Variants in ZNF600 observed in about 807,000 individuals in gnomAD.
ZNF600 encodes zinc finger protein KR-ZNF1.
ZNF600 carries 4 observed loss-of-function variants against 7.3 expected under a neutral mutation model. That is an observed-to-expected ratio of 0.55 (90% CI 0.27 to 1.25). ZNF600 has a LOEUF of 1.25. Among genes scored for constraint, ZNF600 ranks in the 50% most tolerant of loss-of-function variants. ZNF600 has a pLI of 0.12. For missense variants in ZNF600, 911 were observed against 922.1 expected (o/e 0.99, Z 0.16); for synonymous variants, 290 against 308.9 (o/e 0.94, Z 0.64).
intron 1 of ZNF600, among the ~76,000 whole-genome samples, chr19:52,781,765 A>C (rs1287131351): frequency 8.5e-5 from 12 of 140,736 alleles, no homozygotes; most frequent in African/African-American, 3.2e-4. Flanking sequence ...TCTATCTTAA[A>C]AAAAAAAAAA....
upstream of ZNF600, among the ~76,000 whole-genome samples, chr19:52,789,940 A>G (rs1386090656): frequency 2.0e-5 from 3 of 151,762 alleles, no homozygotes; most frequent in African/African-American, 7.3e-5. Flanking sequence ...CTACAGTCAA[A>G]GGGGGTTTGT....
intron 2 of ZNF600, among the ~76,000 whole-genome samples, chr19:52,775,616 ATACCAGGTGATATTAAGTC>A (rs1243993151): frequency 1.3e-5 from 2 of 149,408 alleles, no homozygotes; most frequent in Non-Finnish European, 2.9e-5. Context: ...TATGTTCAAC[ATACCAGGTGATATTAAGTC>A]TCTAGATGAG....
chr19:52,817,380 A>G, the ZNF600 span, among the ~76,000 whole-genome samples: 1 of 152,208 alleles, frequency 6.6e-6, no homozygotes. Flanking sequence ...TTCAAAAAAA[A>G]TAATAATAAT....
chr19:52,765,355 T>C (rs1568622047), exon 4 of ZNF600: 3 of 762,848 alleles, frequency 3.9e-6, no homozygotes, highest in East Asian at 2.6e-5. Context: ...TTCTCTCCTG[T>C]ATGAATTCTC....
exon 4 of ZNF600, chr19:52,767,745 T>C (rs746537572): frequency 3.8e-6 from 6 of 1,582,174 alleles, no homozygotes; most frequent in Non-Finnish European, 5.1e-6. Flanking sequence ...TGACAAGACC[T>C]CCTTCATCAT....
the ZNF600 span, among the ~76,000 whole-genome samples, chr19:52,794,371 C>T: frequency 6.6e-6 from 1 of 152,206 alleles, no homozygotes; most frequent in Non-Finnish European, 1.5e-5. Context: ...GGGTCAGCGT[C>T]ACTCTGACTG....
At chr19:52,800,325 T>C in the ZNF600 span, 3 of 1,613,936 alleles carry the variant, frequency 1.9e-6, no homozygotes, top group Non-Finnish European at 2.5e-6. Flanking sequence ...AAGGCATGAA[T>C]CACTCCGGAA....
At chr19:52,775,269 C>T (rs908984170) in intron 2 of ZNF600, among the ~76,000 whole-genome samples, 12 of 151,618 alleles carry the variant, frequency 7.9e-5, no homozygotes, top group African/African-American at 2.9e-4. Flanking sequence ...AACAAAAAAA[C>T]AATGCCGGGC....
At chr19:52,810,822 A>G in the ZNF600 span, 5 of 294,118 alleles carry the variant, frequency 1.7e-5, no homozygotes, top group Non-Finnish European at 3.2e-5. Flanking sequence ...AAATATATAT[A>G]TATTTTTAAA....
chr19:52,832,179 C>G, the ZNF600 span, among the ~76,000 whole-genome samples: 2 of 152,026 alleles, frequency 1.3e-5, no homozygotes, highest in African/African-American at 4.8e-5. Context: ...CACTACTGCA[C>G]TCCAGCCTGA....
At chr19:52,833,512 A>G in the ZNF600 span, among the ~76,000 whole-genome samples, 2 of 152,318 alleles carry the variant, frequency 1.3e-5, no homozygotes, top group African/African-American at 4.8e-5. Context: ...GAAAGGAAAG[A>G]GACAGATTAA....
At chr19:52,818,877 C>T in the ZNF600 span, among the ~76,000 whole-genome samples, 1 of 92,172 alleles carries the variant, frequency 1.1e-5, no homozygotes, top group African/African-American at 4.7e-5. Context: ...GAATGAGAGT[C>T]TGTTTGGGAA....
At chr19:52,767,795 G>C (rs750210593) in intron 3 of ZNF600, 23 bp from the exon 6 acceptor site, 17 of 1,531,774 alleles carry the variant, frequency 1.1e-5, no homozygotes, top group South Asian at 4.0e-5. Flanking sequence ...AACAACAATA[G>C]GTTTCCAATT....
chr19:52,765,467 T>A, exon 4 of ZNF600: 3 of 1,434,680 alleles, frequency 2.1e-6, no homozygotes, highest in Middle Eastern at 1.8e-4. Context: ...CTGCAATGTA[T>A]GAATGATGTC....
At chr19:52,785,929 T>C (rs1018230850) in intron 1 of ZNF600, among the ~76,000 whole-genome samples, 1 of 152,208 alleles carries the variant, frequency 6.6e-6, no homozygotes, top group African/African-American at 2.4e-5. Flanking sequence ...TCTTAGTTTT[T>C]TTTCTTTCAC....
chr19:52,816,924 T>C, the ZNF600 span, among the ~76,000 whole-genome samples: 3 of 151,200 alleles, frequency 2.0e-5, no homozygotes, highest in Non-Finnish European at 4.4e-5. Context: ...AGCAGTACTC[T>C]CCAATATTAG....
At chr19:52,813,336 A>G in the ZNF600 span, among the ~76,000 whole-genome samples, 1 of 145,802 alleles carries the variant, frequency 6.9e-6, no homozygotes, top group Non-Finnish European at 1.5e-5. Context: ...TTTGGGGAGC[A>G]GGGGAAGGCC....
chr19:52,780,101 T>G (rs2062708318), intron 1 of ZNF600, among the ~76,000 whole-genome samples: 1 of 151,594 alleles, frequency 6.6e-6, no homozygotes, highest in South Asian at 2.1e-4. Flanking sequence ...CAAGTCTTCC[T>G]GCCTTTGTTT....
the ZNF600 span, among the ~76,000 whole-genome samples, chr19:52,824,883 G>C: frequency 1.3e-5 from 2 of 152,088 alleles, no homozygotes; most frequent in African/African-American, 4.8e-5. Context: ...GAAATAACGG[G>C]ACTAAAAATT....
Sources: allele counts gnomAD v4.1 joint callset (sites outside exome capture counted in the v4.1 genomes callset), GRCh38; gene constraint gnomAD v4.1.1; transcripts MANE v1.5; gene names NCBI Gene and HGNC (gene_info 2026-07-23, HGNC 2026-07-21).